SLC30A1: variants seen among roughly 807,000 people sequenced by gnomAD.
The protein encoded by SLC30A1 is solute carrier family 30 member 1.
Under a neutral mutation model 29.8 loss-of-function variants are expected in SLC30A1, and 7 were observed. The observed-to-expected ratio is 0.23, with a 90% CI of 0.13 to 0.44. The LOEUF is 0.44. SLC30A1 is among the 20% of genes least tolerant of loss of function. SLC30A1 has a pLI of 1.00. For missense variants in SLC30A1, 446 were observed against 647.9 expected (o/e 0.69, Z 3.38); for synonymous variants, 254 against 253.5 (o/e 1.00, Z -0.02).
chr1:211,573,779 T>C lies in SLC30A1; in HGVS notation c.*1609A>G, dbSNP rs536671323. ...TATGGTTTTGGCCCATTATAGTAAA[T>C]GTGAACTTACAAACTGTGTTCCTAA... On this transcript the variant is annotated 3_prime_UTR_variant, in exon 2 of 2. Coordinates refer to ENST00000367001, the MANE Select transcript of SLC30A1 (RefSeq NM_021194.3). 1 of 152,152 alleles carries C rather than the reference T, an allele frequency of 6.6e-6. No homozygotes were observed. The highest frequency in any genetic ancestry group is 6.5e-5 in the Admixed American group (1 of 15,280). 9.4% of individuals were successfully genotyped at this position (152,152 alleles called of 1,614,324 possible). A position where few individuals can be genotyped will look rare whatever the true frequency, so the allele number is the denominator to read the frequency against.
At chr1:211,576,573 C>T (rs1706720985) in intron 1 of SLC30A1, among the ~76,000 whole-genome samples, 1 of 152,112 alleles carries the variant, frequency 6.6e-6, no homozygotes, top group Admixed American at 6.5e-5. Context: ...GGGTGGAGTC[C>T]TGCAACCATT....
At position 211,575,349 on chromosome 1, in the gene SLC30A1, G is replaced by A. The variant is rs772177057; in HGVS notation, c.*39C>T. 3.3e-6 allele frequency: 5 copies of A among 1,517,024 alleles called. No individual in the cohort carries two copies. The highest frequency in any genetic ancestry group is 3.5e-6 in the Non-Finnish European group (4 of 1,131,492). The allele number at this position is 1,517,024 out of a possible 1,614,324, so 94.0% of individuals were successfully genotyped here. ...TCAGTGGAGTCTTTTTCCTCTTGCA[G>A]TTTAAAGCAAAAGTCAAATATCACA... is the stretch of plus-strand genomic sequence containing the variant. On this transcript the variant is annotated 3_prime_UTR_variant, in exon 2 of 2. Transcript: ENST00000367001. This position sits in a 1 kb window ranked among gnomAD's most constrained non-coding sequence, Gnocchi z 6.0.
Position 211,577,859 on chromosome 1 carries a change from G to A in SLC30A1, c.622+132C>T, listed in dbSNP as rs910843023. 12 of 1,211,476 alleles carry A rather than the reference G, an allele frequency of 9.9e-6. No individual in the cohort carries two copies. In the Admixed American group the frequency reaches 1.1e-4, roughly 11 times the overall value. The allele number at this position is 1,211,476 out of a possible 1,614,324, so 75.0% of individuals were successfully genotyped here. Reference sequence around the variant, plus strand: ...AGCGGGGCGTGTGCAGGACGGGGAGGGAGCAGGCAGGGGCGGCGCGGCGCA... The same window carrying A: ...AGCGGGGCGTGTGCAGGACGGGGAGAGAGCAGGCAGGGGCGGCGCGGCGCA... On this transcript the variant is annotated intron_variant, in intron 1 of 1. Transcript: ENST00000367001. The surrounding 1 kb of genome is among the most constrained non-coding windows in gnomAD (Gnocchi z 4.5).
In SLC30A1 at chr1:211,575,142, T is replaced by C; in HGVS notation, c.*246A>G. ...AGGTTTAACTTACTTTAAACAAAAA[T>C]GTAACATAGTGTTAAAACTGGCTTT... On this transcript the variant is annotated 3_prime_UTR_variant, in exon 2 of 2. Coordinates refer to ENST00000367001, the MANE Select transcript of SLC30A1 (RefSeq NM_021194.3). The surrounding 1 kb of genome is among the most constrained non-coding windows in gnomAD (Gnocchi z 6.0). 1 of 348,480 alleles carries C rather than the reference T, an allele frequency of 2.9e-6. No individual in the cohort carries two copies. Among genetic ancestry groups the C allele is most frequent in the Non-Finnish European group, 5.2e-6 (1 of 192,992 alleles). The allele number at this position is 348,480 out of a possible 1,614,324, so 21.6% of individuals were successfully genotyped here.
At position 211,578,139 on chromosome 1, in the gene SLC30A1, G is replaced by T; in HGVS notation, c.474C>A (p.Gly158=). 6.2e-7 allele frequency: 1 copy of T among 1,606,652 alleles called. No individual in the cohort carries two copies. The part of the protein sequence containing the change: ...HSHGGHGHGH[G]LPKGPRVKST... ...TCTTAACGCGAGGCCCCTTGGGGAG[G>T]CCGTGGCCGTGGCCGTGACCCCCGT... The change falls in exon 1 of 2, where the codon GGC becomes GGA. Residue 158 remains glycine (G), a synonymous_variant. Transcript: ENST00000367001.
At position 211,571,858 on chromosome 1, in the gene SLC30A1, CAACATAT is replaced by C. The variant is rs1706656746; in HGVS notation, c.*3523_*3529del. The C allele has an allele frequency of 6.6e-6, 1 of 152,186 alleles. No individual in the cohort carries two copies. The highest frequency in any genetic ancestry group is 2.4e-5 in the African/African-American group (1 of 41,454). The allele number at this position is 152,186 out of a possible 1,614,324, so 9.4% of individuals were successfully genotyped here. ...AGGCAACAGAAGACACAAAACAACACAACATATAAGTTTCATAATCACAGAATATACT... is the reference window on the plus strand; with the variant it reads ...AGGCAACAGAAGACACAAAACAACACAAGTTTCATAATCACAGAATATACT... On this transcript the variant is annotated 3_prime_UTR_variant, in exon 2 of 2. Transcript: ENST00000367001.
rs754426615 is a variant in SLC30A1 at position 211,575,372 on chromosome 1, A to T, written c.*16T>A. ...CAGTTTAAAGCAAAAGTCAAATATC[A>T]CATCTTTTTCAAGACTCACAAAGAT... On this transcript the variant is annotated 3_prime_UTR_variant, in exon 2 of 2. Coordinates refer to ENST00000367001, the MANE Select transcript of SLC30A1 (RefSeq NM_021194.3). The surrounding 1 kb of genome is among the most constrained non-coding windows in gnomAD (Gnocchi z 6.0). 1 of 1,550,790 alleles carries T rather than the reference A, an allele frequency of 6.4e-7. No homozygotes were observed. Among genetic ancestry groups the T allele is most frequent in the East Asian group, 2.3e-5 (1 of 44,432 alleles).
Position 211,578,690 on chromosome 1 carries a change from C to T in SLC30A1, c.-78G>A. ...GCGTTGGCGGGACGCGGAGGGTCGG[C>T]GACCGCGACACGGAGGAGCGCCCGA... is the stretch of plus-strand genomic sequence containing the variant. On this transcript the variant is annotated 5_prime_UTR_variant, in exon 1 of 2. Coordinates refer to ENST00000367001, the MANE Select transcript of SLC30A1 (RefSeq NM_021194.3). The T allele has an allele frequency of 7.3e-7, 1 of 1,372,680 alleles. No homozygotes were observed. The highest frequency in any genetic ancestry group is 9.4e-7 in the Non-Finnish European group (1 of 1,060,100). 85.0% of individuals were successfully genotyped at this position (1,372,680 alleles called of 1,614,324 possible).
Position 211,575,266 on chromosome 1 carries a change from A to T in SLC30A1, c.*122T>A. 1.3e-6 allele frequency: 1 copy of T among 798,606 alleles called. No homozygotes were observed. Among genetic ancestry groups the T allele is most frequent in the Non-Finnish European group, 2.0e-6 (1 of 491,316 alleles). 49.5% of individuals were successfully genotyped at this position (798,606 alleles called of 1,614,324 possible). A position where few individuals can be genotyped will look rare whatever the true frequency, so the allele number is the denominator to read the frequency against. On this transcript the variant is annotated 3_prime_UTR_variant, in exon 2 of 2. Coordinates refer to ENST00000367001, the MANE Select transcript of SLC30A1 (RefSeq NM_021194.3). The surrounding 1 kb of genome is among the most constrained non-coding windows in gnomAD (Gnocchi z 6.0). ...TCCCATTATGTTCTTACAAAAATAG[A>T]ATTAAACTGTGTGACCAGACAAGGA...
chr1:211,574,920 G>A lies in SLC30A1; in HGVS notation c.*468C>T, dbSNP rs1024558226. 2 of 156,542 alleles carry A rather than the reference G, an allele frequency of 1.3e-5. No individual in the cohort carries two copies. Among genetic ancestry groups the A allele is most frequent in the African/African-American group, 4.8e-5 (2 of 41,428 alleles). 9.7% of individuals were successfully genotyped at this position (156,542 alleles called of 1,614,324 possible). A position where few individuals can be genotyped will look rare whatever the true frequency, so the allele number is the denominator to read the frequency against. On this transcript the variant is annotated 3_prime_UTR_variant, in exon 2 of 2. Coordinates refer to ENST00000367001, the MANE Select transcript of SLC30A1 (RefSeq NM_021194.3). ...ATATGCTGCCATTATGCTATGTAAT[G>A]ATCTCAAAGGGCAATATCACCTAAA... is the stretch of plus-strand genomic sequence containing the variant.
Position 211,576,251 on chromosome 1 carries a change from G to C in SLC30A1, c.661C>G (p.Gln221Glu), listed in dbSNP as rs1464482857. The C allele has an allele frequency of 6.2e-7, 1 of 1,609,862 alleles. No individual in the cohort carries two copies. The highest frequency in any genetic ancestry group is 8.5e-7 in the Non-Finnish European group (1 of 1,178,616). Residue 221 changes from glutamine to glutamate, a missense_variant, in exon 2 of 2, where the codon CAA becomes GAA. Transcript: ENST00000367001. ...TCTCTGACAAGATTTCCATTCACTT[G>C]TACTTCCACTGTATCACCACTTCTG... ...NPRSGDTVEV[Q>E]VNGNLVREPD... is the part of the protein sequence containing the mutation.
In SLC30A1 at chr1:211,572,916, G is replaced by A. The variant is rs1225244771; in HGVS notation, c.*2472C>T. The A allele has an allele frequency of 6.6e-6, 1 of 152,064 alleles. No individual in the cohort carries two copies. Among genetic ancestry groups the A allele is most frequent in the Non-Finnish European group, 1.5e-5 (1 of 67,916 alleles). The allele number at this position is 152,064 out of a possible 1,614,324, so 9.4% of individuals were successfully genotyped here. On this transcript the variant is annotated 3_prime_UTR_variant, in exon 2 of 2. Transcript: ENST00000367001. ...ACTGATCTTGCTCAAATATAAAAGA[G>A]CCAGCAGGAGAGATGCAACTCCTAA...
Position 211,578,060 on chromosome 1 carries a change from C to G in SLC30A1, c.553G>C (p.Asp185His), listed in dbSNP as rs746233576. The part of the protein sequence containing the change: ...INVAPGEQGP[D>H]QEETNTLVAN... ...ACCAGGGTGTTGGTCTCCTCCTGGTCGGGACCCTGCTCGCCCGGGGCCACG... is the reference window on the plus strand; with the variant it reads ...ACCAGGGTGTTGGTCTCCTCCTGGTGGGGACCCTGCTCGCCCGGGGCCACG... The change falls in exon 1 of 2, where the codon GAC (aspartate) becomes CAC (histidine). Residue 185 changes from aspartate (D) to histidine (H), a missense_variant. Physicochemically the swap from Asp to His is moderately conservative, Grantham distance 81. Transcript: ENST00000367001. 5 of 1,613,042 alleles carry G rather than the reference C, an allele frequency of 3.1e-6. No homozygotes were observed. The highest frequency in any genetic ancestry group is 4.2e-6 in the Non-Finnish European group (5 of 1,179,784).
Position 211,578,973 on chromosome 1 carries a change from C to G in SLC30A1, c.-361G>C, listed in dbSNP as rs886721483. The stretch of plus-strand genomic sequence containing the variant: ...CCAAGAGCCGCAGCCGGAGCAGGAG[C>G]AGGAGGGCGGCGGGCGAGGGCGGCA... On this transcript the variant is annotated 5_prime_UTR_variant, in exon 1 of 2. Coordinates refer to ENST00000367001, the MANE Select transcript of SLC30A1 (RefSeq NM_021194.3). Among the ~76,000 whole-genome samples the G allele has an allele frequency of 6.6e-5, 10 of 152,182 alleles. No homozygotes were observed. Among genetic ancestry groups the G allele is most frequent in the African/African-American group, 2.2e-4 (9 of 41,452 alleles).
rs577033998 is a variant in SLC30A1, at chr1:211,574,291, A to G, written c.*1097T>C. The G allele has an allele frequency of 2.9e-5, 4 of 137,216 alleles. No homozygotes were observed. The highest frequency in any genetic ancestry group is 2.9e-4 in the Admixed American group (4 of 13,830). The allele number at this position is 137,216 out of a possible 1,614,324, so 8.5% of individuals were successfully genotyped here. A position where few individuals can be genotyped will look rare whatever the true frequency, so the allele number is the denominator to read the frequency against. On this transcript the variant is annotated 3_prime_UTR_variant, in exon 2 of 2. Transcript: ENST00000367001. ...AGACAGGATGACTTACAAAATCTTA[A>G]TTAATTTTGCTTTAATTATTAATTT...
rs574052808 is a variant in SLC30A1, at chr1:211,577,611, G to A, written c.622+380C>T. ...CCAAGAGGGCCAAGGAATTGAATTG[G>A]GAAGCATTTCTGACGCTGTTATAAC... is the stretch of plus-strand genomic sequence containing the variant. On this transcript the variant is annotated intron_variant, in intron 1 of 1. Coordinates refer to ENST00000367001, the MANE Select transcript of SLC30A1 (RefSeq NM_021194.3). This position sits in a 1 kb window ranked among gnomAD's most constrained non-coding sequence, Gnocchi z 4.5. Among the ~76,000 whole-genome samples, 120 of 152,176 alleles carry A rather than the reference G, an allele frequency of 7.9e-4. No homozygotes were observed. Among genetic ancestry groups the A allele is most frequent in the Non-Finnish European group, 1.5e-3 (101 of 68,042 alleles).
At chr1:211,576,852 A>G (rs1706725110) in intron 1 of SLC30A1, among the ~76,000 whole-genome samples, 1 of 152,116 alleles carries the variant, frequency 6.6e-6, no homozygotes, top group Non-Finnish European at 1.5e-5. Context: ...AGAGATTATT[A>G]GAAAAATTGA....
In SLC30A1 at chr1:211,575,237, G is replaced by A. The variant is rs939487764; in HGVS notation, c.*151C>T. The A allele has an allele frequency of 1.6e-5, 11 of 668,046 alleles. No homozygotes were observed. The highest frequency in any genetic ancestry group is 2.6e-5 in the Non-Finnish European group (10 of 385,872). The allele number at this position is 668,046 out of a possible 1,614,324, so 41.4% of individuals were successfully genotyped here. A position where few individuals can be genotyped will look rare whatever the true frequency, so the allele number is the denominator to read the frequency against. ...AAATTGTAATATAGAACTCTGTTAT[G>A]CAGTCCCATTATGTTCTTACAAAAA... On this transcript the variant is annotated 3_prime_UTR_variant, in exon 2 of 2. Coordinates refer to ENST00000367001, the MANE Select transcript of SLC30A1 (RefSeq NM_021194.3). The surrounding 1 kb of genome is among the most constrained non-coding windows in gnomAD (Gnocchi z 6.0).
At position 211,575,760 on chromosome 1, in the gene SLC30A1, G is replaced by A. The variant is rs1706710284; in HGVS notation, c.1152C>T (p.Ala384=). 2 of 1,613,910 alleles carry A rather than the reference G, an allele frequency of 1.2e-6. No homozygotes were observed. Among genetic ancestry groups the A allele is most frequent in the African/African-American group, 1.3e-5 (1 of 74,914 alleles). Reference sequence around the variant, plus strand: ...GATCTTCACATTTTATGTGAGCAGTGGCAATGATTCTGCTTCCAGCAAGTT... The same window carrying A: ...GATCTTCACATTTTATGTGAGCAGTAGCAATGATTCTGCTTCCAGCAAGTT... ...VWQLAGSRII[A]TAHIKCEDPT... is the part of the protein sequence containing the mutation. Residue 384 remains alanine, a synonymous_variant, in exon 2 of 2, where the codon GCC becomes GCT. Coordinates refer to ENST00000367001, the MANE Select transcript of SLC30A1 (RefSeq NM_021194.3). This position sits in a 1 kb window ranked among gnomAD's most constrained non-coding sequence, Gnocchi z 6.0.
Sources: allele counts gnomAD v4.1 joint callset (sites outside exome capture counted in the v4.1 genomes callset), GRCh38; gene constraint gnomAD v4.1.1; non-coding constraint Gnocchi (gnomAD v3.1); transcripts MANE v1.5; gene names NCBI Gene and HGNC (gene_info 2026-07-23, HGNC 2026-07-21).